The following RPS23 variants were observed in gnomAD, a reference collection of about 807,000 sequenced individuals.
RPS23 encodes small ribosomal subunit protein uS12.
For synonymous variants in RPS23, 66 were observed against 60.4 expected, an observed-to-expected ratio of 1.09 and a Z score of -0.43; for missense variants, 73 against 174.5, an observed-to-expected ratio of 0.42 and a Z score of 3.28.
chr5:82,277,620 A>C (rs916241565), intron 2 of RPS23, 73 bp downstream of exon 2: 2 of 1,478,526 alleles, frequency 1.4e-6, no homozygotes, highest in Non-Finnish European at 1.9e-6. Context: ...AATTACTTTC[A>C]AAACAAGAAT....
chr5:82,278,027 G>C, intron 1 of RPS23, 175 bp from the exon 2 acceptor site: 1 of 664,786 alleles, frequency 1.5e-6, no homozygotes. Flanking sequence ...ACTAATAAAC[G>C]TTCGAAGAGG....
chr5:82,278,334 C>G lies in RPS23; in HGVS notation c.-11G>C, dbSNP rs774996308. 5 of 1,609,046 alleles carry G rather than the reference C, an allele frequency of 3.1e-6. No homozygotes were observed. The highest frequency in any genetic ancestry group is 4.5e-5 in the East Asian group (2 of 44,630). On this transcript the variant is annotated 5_prime_UTR_variant, in exon 1 of 4. Transcript: ENST00000296674. ...CAACAGCTCACCCATCCTGTCGGCG[C>G]CACGGGCCTGAGCGAAAGAGAGAAG...
At chr5:82,278,063 G>C in intron 1 of RPS23, 1 of 657,688 alleles carries the variant, frequency 1.5e-6, no homozygotes, top group Non-Finnish European at 2.6e-6. Flanking sequence ...TTCTCCCGAA[G>C]GACGAGGCCC....
At chr5:82,277,243 C>G (rs1221225590) in intron 2 of RPS23, 1 of 167,456 alleles carries the variant, frequency 6.0e-6, no homozygotes, top group South Asian at 1.2e-4. Flanking sequence ...TATGATAGAA[C>G]TATATGAAAT....
At chr5:82,278,053 T>G in intron 1 of RPS23, 1 of 656,314 alleles carries the variant, frequency 1.5e-6, no homozygotes, top group East Asian at 2.7e-5. Flanking sequence ...GGAGAATGTG[T>G]TCTCCCGAAG....
Position 82,275,341 on chromosome 5 carries a change from C to A in RPS23, c.*768G>T. ...CAGCAAAATCCACATGTACTCAATA[C>A]CTAGCTTAAATTATCAAAACACAAC... On this transcript the variant is annotated 3_prime_UTR_variant, in exon 4 of 4. Transcript: ENST00000296674. The A allele has an allele frequency of 1.4e-6, 1 of 702,460 alleles. No individual in the cohort carries two copies. The highest frequency in any genetic ancestry group is 2.7e-5 in the East Asian group (1 of 37,272). 43.5% of individuals were successfully genotyped at this position (702,460 alleles called of 1,614,324 possible). A position where few individuals can be genotyped will look rare whatever the true frequency, so the allele number is the denominator to read the frequency against.
intron 1 of RPS23, 26 bp downstream of exon 1, chr5:82,278,294 C>T (rs1049201654): frequency 1.2e-6 from 2 of 1,608,540 alleles, no homozygotes; most frequent in Non-Finnish European, 1.7e-6. Context: ...GCTTGCAGCG[C>T]CCTTAAACCG....
At position 82,276,006 on chromosome 5, in the gene RPS23, G is replaced by GTGGTAA; in HGVS notation, c.*97_*102dup. 9.2e-7 allele frequency: 1 copy of GTGGTAA among 1,086,234 alleles called. No individual in the cohort carries two copies. The allele number at this position is 1,086,234 out of a possible 1,614,324, so 67.3% of individuals were successfully genotyped here. ...ATAAAAAAAATAAGGGGGGGTGGTG[G>GTGGTAA]TGGTAATGAACATGATCTTCGTGGT... On this transcript the variant is annotated 3_prime_UTR_variant, in exon 4 of 4. Transcript: ENST00000296674.
chr5:82,276,258 G>A lies in RPS23; in HGVS notation c.286-3C>T. Reference sequence around the variant, plus strand: ...GCAACCAGAACTTCATCATTTTCCTGGAATAAAATAAGAAGTTTATTTCTG... The same window carrying A: ...GCAACCAGAACTTCATCATTTTCCTAGAATAAAATAAGAAGTTTATTTCTG... On this transcript the variant is annotated splice_polypyrimidine_tract_variant and splice_region_variant and intron_variant, in intron 3 of 3. Transcript: ENST00000296674. The A allele has an allele frequency of 6.2e-7, 1 of 1,613,190 alleles. No individual in the cohort carries two copies.
Position 82,278,308 on chromosome 5 carries a change from A to C in RPS23, c.4+12T>G, listed in dbSNP as rs1417622179. 6 of 1,588,318 alleles carry C rather than the reference A, an allele frequency of 3.8e-6. No homozygotes were observed. The highest frequency in any genetic ancestry group is 2.3e-5 in the East Asian group (1 of 42,974). On this transcript the variant is annotated intron_variant, in intron 1 of 3. Transcript: ENST00000296674. ...CGCTTGCAGCGCCCTTAAACCGGCC[A>C]CAACAGCTCACCCATCCTGTCGGCG...
At chr5:82,276,716 T>C (rs925894154) in intron 2 of RPS23, 198 bp from the exon 3 acceptor site, 4 of 655,630 alleles carry the variant, frequency 6.1e-6, no homozygotes, top group Non-Finnish European at 1.0e-5. Context: ...TTCTAGACCT[T>C]TTACAGTTAT....
At position 82,275,180 on chromosome 5, in the gene RPS23, G is replaced by C. The variant is rs1747745456; in HGVS notation, c.*929C>G. On this transcript the variant is annotated 3_prime_UTR_variant, in exon 4 of 4. Transcript: ENST00000296674. ...CCTAAACAATGTAAAGCTAGGCTTT[G>C]ATCAAAGGGCTAATTAACCCATACT... is the stretch of plus-strand genomic sequence containing the variant. 3 of 701,444 alleles carry C rather than the reference G, an allele frequency of 4.3e-6. No homozygotes were observed. In the East Asian group the frequency reaches 8.1e-5, roughly 19 times the overall value. The allele number at this position is 701,444 out of a possible 1,614,324, so 43.5% of individuals were successfully genotyped here.
chr5:82,277,509 C>A (rs192470282), intron 2 of RPS23, 184 bp downstream of exon 2: 2 of 652,938 alleles, frequency 3.1e-6, no homozygotes, highest in Admixed American at 2.8e-5. Flanking sequence ...ACCTTAACTA[C>A]CTAATTCCCA....
At chr5:82,276,689 A>T (rs948593840) in intron 2 of RPS23, 171 bp from the exon 3 acceptor site, 6 of 762,442 alleles carry the variant, frequency 7.9e-6, no homozygotes, top group Non-Finnish European at 2.1e-6. Context: ...TAATTTCATT[A>T]GCACAATGGG....
At chr5:82,276,285 T>G in intron 3 of RPS23, 30 bp from the exon 4 acceptor site, 3 of 1,613,222 alleles carry the variant, frequency 1.9e-6, no homozygotes, top group Non-Finnish European at 2.5e-6. Context: ...TTATTTCTGG[T>G]GTTGGTGGCG....
chr5:82,277,751 G>T lies in RPS23; in HGVS notation c.106C>A (p.Leu36Ile). The T allele has an allele frequency of 6.2e-7, 1 of 1,614,032 alleles. No homozygotes were observed. ...QYKKAHLGTA[L>I]KANPFGGASH... ...GCACCTCCAAAAGGGTTGGCCTTTA[G>T]GGCTGTGCCCAAATGAGCTTTCTTA... is the stretch of plus-strand genomic sequence containing the variant. The change falls in exon 2 of 4, where the codon CTA becomes ATA. Residue 36 changes from leucine to isoleucine, a missense_variant. By Grantham distance (5) the Leu-to-Ile change is conservative. Transcript: ENST00000296674.
At position 82,275,967 on chromosome 5, in the gene RPS23, T is replaced by G; in HGVS notation, c.*142A>C. On this transcript the variant is annotated 3_prime_UTR_variant, in exon 4 of 4. Coordinates refer to ENST00000296674, the MANE Select transcript of RPS23 (RefSeq NM_001025.5). ...TCCTAAAATTGGTACAGGTCCTGCGTTTGCTGGTTTAGGATAAAAAAAATA... is the reference window on the plus strand; with the variant it reads ...TCCTAAAATTGGTACAGGTCCTGCGGTTGCTGGTTTAGGATAAAAAAAATA... 1.4e-6 allele frequency: 1 copy of G among 736,662 alleles called. No homozygotes were observed. Among genetic ancestry groups the G allele is most frequent in the Non-Finnish European group, 2.2e-6 (1 of 446,962 alleles). 45.6% of individuals were successfully genotyped at this position (736,662 alleles called of 1,614,324 possible).
At chr5:82,276,725 A>G in intron 2 of RPS23, 1 of 629,718 alleles carries the variant, frequency 1.6e-6, no homozygotes, top group Non-Finnish European at 2.7e-6. Context: ...TTTTACAGTT[A>G]TAAAAGTAGA....
At chr5:82,278,270 A>G (rs774799701) in intron 1 of RPS23, 50 bp downstream of exon 1, 6 of 1,599,534 alleles carry the variant, frequency 3.8e-6, no homozygotes, top group South Asian at 2.3e-5. Flanking sequence ...CCCGTCCCCA[A>G]GACCCCAAGT....
Sources: gnomAD v4.1 joint callset for allele counts on GRCh38, gnomAD v4.1.1 for gene constraint, MANE v1.5 for transcripts, NCBI Gene and HGNC (gene_info 2026-07-23, HGNC 2026-07-21) for gene names.